UGT1A10: variants seen among roughly 807,000 people sequenced by gnomAD.
The protein encoded by UGT1A10 is UDP-glucuronosyltransferase 1A10.
UGT1A10 carries 49 observed loss-of-function variants against 45.8 expected under a neutral mutation model. The observed-to-expected ratio is 1.07, with a 90% confidence interval of 0.85 to 1.36. UGT1A10 has a LOEUF of 1.36. Ranked by LOEUF, UGT1A10 falls within the 40% of genes most tolerant of loss-of-function variation. The pLI is 0.00. For missense variants in UGT1A10, 745 were observed against 668.6 expected (o/e 1.11, Z -1.26); for synonymous variants, 284 against 249.7 (o/e 1.14, Z -1.29).
At position 233,773,153 on chromosome 2, in the gene UGT1A10, T is replaced by C. The variant is rs2126068054; in HGVS notation, c.*594T>C. 6.5e-6 allele frequency: 1 copy of C among 154,246 alleles called. No individual in the cohort carries two copies. The highest frequency in any genetic ancestry group is 3.4e-3 in the Middle Eastern group (1 of 294). 9.6% of individuals were successfully genotyped at this position (154,246 alleles called of 1,614,324 possible). A position where few individuals can be genotyped will look rare whatever the true frequency, so the allele number is the denominator to read the frequency against. On this transcript the variant is annotated 3_prime_UTR_variant, in exon 5 of 5. Coordinates refer to ENST00000344644, the MANE Select transcript of UGT1A10 (RefSeq NM_019075.4). ...ATGATGCTATGAAATTGGTGGGTGG[T>C]GTATTTGAGAAGATAATCATTGCTT...
chr2:233,698,141 G>C (rs12466747), intron 1 of UGT1A10, among the ~76,000 whole-genome samples: 27,033 of 152,174 alleles, frequency 0.18, 2,695 homozygotes, highest in Non-Finnish European at 0.23. Flanking sequence ...TGTCTCAACT[G>C]TATTCCCAGC....
intron 1 of UGT1A10, among the ~76,000 whole-genome samples, chr2:233,644,112 A>G (rs2125467282): frequency 6.6e-6 from 1 of 152,264 alleles, no homozygotes; most frequent in African/African-American, 2.4e-5. Flanking sequence ...TGGGCCTAGT[A>G]CAGCCCTAGA....
intron 1 of UGT1A10, chr2:233,690,615 G>C: frequency 7.8e-7 from 1 of 1,289,334 alleles, no homozygotes; most frequent in Admixed American, 2.3e-5. Flanking sequence ...CCTTTGCCTG[G>C]ACACTCAAGT....
chr2:233,667,680 T>C lies in UGT1A10; in HGVS notation c.855+30303T>C, dbSNP rs549388048. Among the ~76,000 whole-genome samples, 3 of 152,162 alleles carry C rather than the reference T, an allele frequency of 2.0e-5. No homozygotes were observed. In the South Asian group the frequency reaches 6.2e-4, roughly 32 times the overall value. On this transcript the variant is annotated intron_variant, in intron 1 of 4. Coordinates refer to ENST00000344644, the MANE Select transcript of UGT1A10 (RefSeq NM_019075.4). ...AATCTACAATGAACTCAGACAAATT[T>C]ACAAGAAAAAATCAAACAGCCCCAT...
chr2:233,651,020 A>T (rs2073726470), intron 1 of UGT1A10, among the ~76,000 whole-genome samples: 1 of 152,220 alleles, frequency 6.6e-6, no homozygotes, highest in South Asian at 2.1e-4. Context: ...ATTGACTTTT[A>T]GCCAACTCAT....
intron 1 of UGT1A10, among the ~76,000 whole-genome samples, chr2:233,697,298 A>G (rs1046894333): frequency 6.6e-6 from 1 of 152,102 alleles, no homozygotes; most frequent in Non-Finnish European, 1.5e-5. Flanking sequence ...TTCTTCATTC[A>G]ATCTTGGTAG....
intron 1 of UGT1A10, among the ~76,000 whole-genome samples, chr2:233,749,662 A>G (rs1433200566): frequency 2.0e-5 from 3 of 151,858 alleles, no homozygotes; most frequent in African/African-American, 7.3e-5. Flanking sequence ...TGTAATCCCC[A>G]TAATCCCCAC....
chr2:233,773,091 G>A lies in UGT1A10; in HGVS notation c.*532G>A, dbSNP rs1278315823. 2 of 162,100 alleles carry A rather than the reference G, an allele frequency of 1.2e-5. No homozygotes were observed. The highest frequency in any genetic ancestry group is 4.8e-5 in the African/African-American group (2 of 41,532). The allele number at this position is 162,100 out of a possible 1,614,324, so 10.0% of individuals were successfully genotyped here. ...ATGAATGAATGGCTTGGAGTGCACT[G>A]AGAACAGCATATGATTTCTTGCTTT... On this transcript the variant is annotated 3_prime_UTR_variant, in exon 5 of 5. Transcript: ENST00000344644.
chr2:233,693,254 C>A, intron 1 of UGT1A10: 1 of 1,614,058 alleles, frequency 6.2e-7, no homozygotes, highest in African/African-American at 1.3e-5. Flanking sequence ...GCCGTATGAC[C>A]AAGAAGAGCT....
chr2:233,645,446 C>G (rs2073574300), intron 1 of UGT1A10, among the ~76,000 whole-genome samples: 2 of 152,230 alleles, frequency 1.3e-5, no homozygotes, highest in African/African-American at 4.8e-5. Flanking sequence ...GTCCACAGTT[C>G]AACGTCTCAT....
chr2:233,648,810 C>A, intron 1 of UGT1A10: 1 of 990,572 alleles, frequency 1.0e-6, no homozygotes, highest in Non-Finnish European at 1.5e-6. Flanking sequence ...ACATCTTCTA[C>A]TTAGAGGAGC....
At chr2:233,712,869 C>G in intron 1 of UGT1A10, 1 of 1,581,894 alleles carries the variant, frequency 6.3e-7, no homozygotes, top group Non-Finnish European at 8.6e-7. Context: ...GAGGAGGGCA[C>G]TCTGTCTTCA....
intron 1 of UGT1A10, among the ~76,000 whole-genome samples, chr2:233,653,575 T>G (rs1215383979): frequency 1.3e-5 from 2 of 152,194 alleles, no homozygotes; most frequent in African/African-American, 4.8e-5. Flanking sequence ...TTGCTTAAAG[T>G]GCCCAAGTCT....
intron 1 of UGT1A10, among the ~76,000 whole-genome samples, chr2:233,751,532 C>T (rs1375355946): frequency 6.6e-6 from 1 of 152,214 alleles, no homozygotes; most frequent in Non-Finnish European, 1.5e-5. Context: ...TATGGTTTGA[C>T]TCTGTGTTTC....
chr2:233,689,547 A>G (rs2074949605), intron 1 of UGT1A10, among the ~76,000 whole-genome samples: 3 of 152,252 alleles, frequency 2.0e-5, no homozygotes, highest in Admixed American at 1.3e-4. Flanking sequence ...CTTGCAGGTC[A>G]TAGGTGAATT....
At chr2:233,747,330 C>T (rs896598113) in intron 1 of UGT1A10, 17 of 1,603,408 alleles carry the variant, frequency 1.1e-5, no homozygotes, top group Non-Finnish European at 1.2e-5. Flanking sequence ...TTGATGGCAG[C>T]CACTGGCTCG....
intron 1 of UGT1A10, among the ~76,000 whole-genome samples, chr2:233,748,826 G>A (rs1470872637): frequency 1.3e-5 from 2 of 151,398 alleles, no homozygotes; most frequent in African/African-American, 4.9e-5. Context: ...AGGGTCTAGG[G>A]AGGAGATAAA....
chr2:233,652,847 G>A (rs1016417025), intron 1 of UGT1A10, among the ~76,000 whole-genome samples: 8 of 152,198 alleles, frequency 5.3e-5, no homozygotes, highest in East Asian at 1.9e-4. Flanking sequence ...AAAGCTAGAA[G>A]TGTAAAAGTT....
intron 1 of UGT1A10, chr2:233,682,092 G>C: frequency 6.2e-7 from 1 of 1,614,070 alleles, no homozygotes; most frequent in Non-Finnish European, 8.5e-7. Flanking sequence ...ATCCTCAGGG[G>C]GCATGAGGTG....
Sources: gnomAD v4.1 joint callset for allele counts (sites outside exome capture counted in the v4.1 genomes callset) on GRCh38, gnomAD v4.1.1 for gene constraint, MANE v1.5 for transcripts, NCBI Gene and HGNC (gene_info 2026-07-23, HGNC 2026-07-21) for gene names.